ARHGEF11: variants seen among roughly 807,000 people sequenced by gnomAD.
ARHGEF11 encodes the protein Rho guanine exchange factor (GEF) 11.
Under a neutral mutation model 193.7 loss-of-function variants are expected in ARHGEF11, and 55 were observed. The ratio of observed to expected loss-of-function variants is 0.28; its 90% CI spans 0.23 to 0.36. ARHGEF11 has a LOEUF of 0.36. ARHGEF11 is among the 10% of genes least tolerant of loss of function. The pLI is 1.00. For synonymous variants in ARHGEF11, 693 were observed against 768.0 expected (o/e 0.90, Z 1.62); for missense variants, 1,723 against 2,005.6 (o/e 0.86, Z 2.69).
At chr1:156,982,455 T>A (rs16837913) in intron 3 of ARHGEF11, among the ~76,000 whole-genome samples, 4,089 of 152,336 alleles carry the variant, frequency 0.027, 73 homozygotes, top group South Asian at 0.054. Context: ...CTGGAAAAGA[T>A]AACCGCTGCT....
intron 1 of ARHGEF11, among the ~76,000 whole-genome samples, chr1:157,023,695 G>A (rs1670273660): frequency 6.6e-6 from 1 of 152,096 alleles, no homozygotes; most frequent in Non-Finnish European, 1.5e-5. Context: ...GAAACAGGGA[G>A]GGGGAGGTTG....
chr1:156,962,961 G>A (rs1368496848), intron 13 of ARHGEF11, among the ~76,000 whole-genome samples: 1 of 147,504 alleles, frequency 6.8e-6, no homozygotes, highest in Non-Finnish European at 1.5e-5. Context: ...TCAAGAATGA[G>A]TTTTCCTGGC....
At chr1:157,022,433 TAA>T (rs1453334880) in intron 1 of ARHGEF11, among the ~76,000 whole-genome samples, 1 of 152,132 alleles carries the variant, frequency 6.6e-6, no homozygotes, top group Non-Finnish European at 1.5e-5. Flanking sequence ...ACAATAGCAT[TAA>T]AGAGAATACA....
chr1:157,033,732 A>T (rs1671576327), intron 1 of ARHGEF11, among the ~76,000 whole-genome samples: 1 of 152,048 alleles, frequency 6.6e-6, no homozygotes, highest in African/African-American at 2.4e-5. Flanking sequence ...TGCAATTCTC[A>T]CACCACCATG....
rs1664611098 is a variant in ARHGEF11 at position 156,984,251 on chromosome 1, C to T, written c.223+88G>A. 21 of 1,080,890 alleles carry T rather than the reference C, an allele frequency of 1.9e-5. No individual in the cohort carries two copies. The South Asian group carries it at 3.0e-4, about 16-fold the overall frequency. The allele number at this position is 1,080,890 out of a possible 1,614,324, so 67.0% of individuals were successfully genotyped here. ...TCTAGAGTAATTCATTCATGCCCCA[C>T]AGGAAAGCACAGGTAGAATGGCACT... On this transcript the variant is annotated intron_variant, in intron 3 of 40. Coordinates refer to ENST00000368194, the MANE Select transcript of ARHGEF11 (RefSeq NM_198236.3).
intron 1 of ARHGEF11, among the ~76,000 whole-genome samples, 191 bp downstream of exon 1, chr1:157,044,108 C>T (rs527350665): frequency 2.0e-5 from 3 of 152,260 alleles, no homozygotes; most frequent in Admixed American, 6.5e-5. Context: ...ATTCAAAAGA[C>T]GCTGAATCAA....
intron 11 of ARHGEF11, 188 bp from the exon 12 acceptor site, chr1:156,963,782 A>C: frequency 7.0e-7 from 1 of 1,425,174 alleles, no homozygotes. Flanking sequence ...CAGGAAGTCA[A>C]CTGCTTCTGG....
chr1:156,967,261 A>G (rs1444087991), intron 11 of ARHGEF11, among the ~76,000 whole-genome samples: 3 of 152,250 alleles, frequency 2.0e-5, no homozygotes, highest in African/African-American at 7.2e-5. Flanking sequence ...ATTAAGTAAC[A>G]TTATACAGGT....
intron 1 of ARHGEF11, among the ~76,000 whole-genome samples, chr1:157,001,465 C>T (rs1667199973): frequency 6.6e-6 from 1 of 152,312 alleles, no homozygotes; most frequent in African/African-American, 2.4e-5. Context: ...TACTCCATTC[C>T]CTCACATTGA....
At chr1:157,018,718 T>C (rs1669599781) in intron 1 of ARHGEF11, among the ~76,000 whole-genome samples, 3 of 152,072 alleles carry the variant, frequency 2.0e-5, no homozygotes, top group Admixed American at 2.0e-4. Context: ...AGAACAACAT[T>C]GGAAGACTTG....
intron 25 of ARHGEF11, 74 bp from the exon 26 acceptor site, chr1:156,947,524 C>T (rs1658367173): frequency 1.4e-6 from 2 of 1,468,202 alleles, no homozygotes; most frequent in African/African-American, 2.8e-5. Flanking sequence ...GAGTCCCTGA[C>T]CTGGTTCCCA....
At chr1:156,997,227 C>T (rs1220565400) in intron 1 of ARHGEF11, among the ~76,000 whole-genome samples, 1 of 152,086 alleles carries the variant, frequency 6.6e-6, no homozygotes, top group Non-Finnish European at 1.5e-5. Context: ...CTACCTATCT[C>T]ACACAGCTGC....
chr1:156,955,850 G>A (rs373919314), intron 19 of ARHGEF11, 51 bp from the exon 20 acceptor site: 119 of 1,418,078 alleles, frequency 8.4e-5, no homozygotes, highest in Non-Finnish European at 1.1e-4. Context: ...ATACCCAGGC[G>A]TGGCTGCTAA....
chr1:156,968,934 C>G (rs770824336), intron 10 of ARHGEF11, among the ~76,000 whole-genome samples: 1 of 152,180 alleles, frequency 6.6e-6, no homozygotes, highest in Non-Finnish European at 1.5e-5. Context: ...TATTCCTGGA[C>G]AGGTGGAAAT....
chr1:156,991,903 A>T (rs919532325), intron 1 of ARHGEF11, among the ~76,000 whole-genome samples: 1 of 148,976 alleles, frequency 6.7e-6, no homozygotes, highest in Admixed American at 6.7e-5. Flanking sequence ...TTTTTAGTAG[A>T]GACGGGGTTT....
chr1:156,942,848 G>T, intron 32 of ARHGEF11, 68 bp from the exon 33 acceptor site: 1 of 1,350,800 alleles, frequency 7.4e-7, no homozygotes, highest in Non-Finnish European at 1.1e-6. Flanking sequence ...GCCTGGGCCA[G>T]GGTGACAGAG....
chr1:157,024,200 T>C (rs1670357767), intron 1 of ARHGEF11, among the ~76,000 whole-genome samples: 1 of 152,192 alleles, frequency 6.6e-6, no homozygotes, highest in Admixed American at 6.5e-5. Flanking sequence ...TTTTGTATAA[T>C]TCCGTTTATA....
At chr1:156,962,167 A>G (rs570890487) in intron 13 of ARHGEF11, among the ~76,000 whole-genome samples, 1 of 152,116 alleles carries the variant, frequency 6.6e-6, no homozygotes, top group East Asian at 1.9e-4. Flanking sequence ...CTAAGGGTTC[A>G]TGTTTTATTT....
At chr1:156,955,940 T>C (rs887016813) in intron 19 of ARHGEF11, 141 bp from the exon 20 acceptor site, 1 of 719,672 alleles carries the variant, frequency 1.4e-6, no homozygotes, top group Non-Finnish European at 2.5e-6. Flanking sequence ...CTAACAAGCA[T>C]GTTCGCCTCT....
Sources: gnomAD v4.1 joint callset for allele counts (sites outside exome capture counted in the v4.1 genomes callset) on GRCh38, gnomAD v4.1.1 for gene constraint, MANE v1.5 for transcripts, NCBI Gene and HGNC (gene_info 2026-07-23, HGNC 2026-07-21) for gene names.